MIGA1: variants seen among roughly 807,000 people sequenced by gnomAD.
MIGA1 encodes family with sequence similarity 73, member A.
MIGA1 carries 58 observed loss-of-function variants against 82.0 expected under a neutral mutation model. The ratio of observed to expected loss-of-function variants is 0.71; its 90% confidence interval spans 0.57 to 0.88. The LOEUF is 0.88. Ranked by LOEUF, MIGA1 falls within the 40% of genes least tolerant of loss-of-function variation. The pLI, the probability that MIGA1 is intolerant of heterozygous loss-of-function variation, is 0.00. For missense variants in MIGA1, 751 were observed against 749.1 expected (o/e 1.00, Z -0.03); for synonymous variants, 249 against 253.6 (o/e 0.98, Z 0.17).
intron 13 of MIGA1, among the ~76,000 whole-genome samples, chr1:77,866,057 C>T (rs1343997122): frequency 6.6e-6 from 1 of 152,036 alleles, no homozygotes; most frequent in African/African-American, 2.4e-5. Flanking sequence ...GGTCTACAGG[C>T]ATGCGCCACC....
chr1:77,864,141 A>G (rs1029642992), intron 13 of MIGA1, 113 bp downstream of exon 13: 9 of 1,080,628 alleles, frequency 8.3e-6, no homozygotes, highest in Middle Eastern at 3.0e-4. Context: ...CAGGCGGATC[A>G]CCTGAGGTCA....
chr1:77,783,906 A>G (rs1339236502), intron 2 of MIGA1, among the ~76,000 whole-genome samples: 1 of 152,144 alleles, frequency 6.6e-6, no homozygotes, highest in African/African-American at 2.4e-5. Context: ...CACAAGTAGA[A>G]CCCTACAGAA....
intron 7 of MIGA1, among the ~76,000 whole-genome samples, chr1:77,832,976 G>A (rs1684296325): frequency 1.3e-5 from 2 of 152,148 alleles, no homozygotes; most frequent in South Asian, 4.1e-4. Context: ...AAATTCTCTG[G>A]CAGAGCATAG....
intron 4 of MIGA1, among the ~76,000 whole-genome samples, chr1:77,804,023 G>A (rs1682991816): frequency 6.6e-6 from 1 of 151,950 alleles, no homozygotes; most frequent in Non-Finnish European, 1.5e-5. Context: ...AATGTCTTAT[G>A]TACTCCATAA....
chr1:77,810,931 C>A (rs1401629819), intron 5 of MIGA1: 1 of 1,611,964 alleles, frequency 6.2e-7, no homozygotes, highest in East Asian at 2.2e-5. Context: ...CAATTTCTTT[C>A]TTTTAAAGTC....
chr1:77,866,436 G>A (rs1685670583), intron 14 of MIGA1, 45 bp downstream of exon 14: 2 of 1,581,398 alleles, frequency 1.3e-6, no homozygotes, highest in Non-Finnish European at 1.7e-6. Context: ...ATCATTTAAG[G>A]ATTCTGTCAA....
intron 7 of MIGA1, among the ~76,000 whole-genome samples, chr1:77,827,997 G>A (rs1684096944): frequency 6.6e-6 from 1 of 152,098 alleles, no homozygotes; most frequent in African/African-American, 2.4e-5. Context: ...GGAGGAGGCT[G>A]CAGTGAACCA....
At chr1:77,866,208 C>T in intron 13 of MIGA1, 130 bp from the exon 14 acceptor site, 2 of 771,378 alleles carry the variant, frequency 2.6e-6, no homozygotes, top group Non-Finnish European at 4.2e-6. Context: ...AGCCACTGTG[C>T]CCGGCCGACT....
chr1:77,858,299 A>G (rs1330003872), intron 8 of MIGA1, among the ~76,000 whole-genome samples: 1 of 151,982 alleles, frequency 6.6e-6, no homozygotes, highest in Non-Finnish European at 1.5e-5. Flanking sequence ...TTGAGCCAAG[A>G]TCCTGCCACT....
intron 8 of MIGA1, among the ~76,000 whole-genome samples, chr1:77,850,556 T>C (rs1044742487): frequency 2.0e-5 from 3 of 152,220 alleles, no homozygotes; most frequent in Non-Finnish European, 2.9e-5. Flanking sequence ...GCCTATTTCA[T>C]GTCCCTACTT....
rs531886771 is a variant in MIGA1 at position 77,842,295 on chromosome 1, A to G, written c.896-1012A>G. On this transcript the variant is annotated intron_variant, in intron 7 of 15. Coordinates refer to ENST00000370791, the MANE Select transcript of MIGA1 (RefSeq NM_198549.4). Reference sequence around the variant, plus strand: ...TAACAATTAGATTCCTGATAACAGTACATGAGGATATTCATACCCACATTC... The same window carrying G: ...TAACAATTAGATTCCTGATAACAGTGCATGAGGATATTCATACCCACATTC... 5.3e-5 allele frequency among the ~76,000 whole-genome samples: 8 copies of G among 152,364 alleles called. No homozygotes were observed. The South Asian group carries it at 1.7e-3, about 32-fold the overall frequency.
At chr1:77,871,024 G>A (rs1418136430) in intron 14 of MIGA1, among the ~76,000 whole-genome samples, 8 of 149,216 alleles carry the variant, frequency 5.4e-5, no homozygotes, top group African/African-American at 2.0e-4. Flanking sequence ...GCAGTGAGCC[G>A]AGATGGCAGC....
At chr1:77,836,795 A>C (rs887080055) in intron 7 of MIGA1, among the ~76,000 whole-genome samples, 6 of 152,182 alleles carry the variant, frequency 3.9e-5, no homozygotes, top group African/African-American at 1.4e-4. Context: ...TAAAGCAGTA[A>C]GTTTTTTTCT....
At chr1:77,839,437 C>T (rs529901403) in intron 7 of MIGA1, among the ~76,000 whole-genome samples, 2 of 152,010 alleles carry the variant, frequency 1.3e-5, no homozygotes, top group African/African-American at 4.8e-5. Context: ...GTGACACGAT[C>T]ATGGCTCACT....
chr1:77,869,398 GC>G (rs1685812499), intron 14 of MIGA1, among the ~76,000 whole-genome samples: 1 of 149,536 alleles, frequency 6.7e-6, no homozygotes. Flanking sequence ...CACTCTTCCT[GC>G]CTTTCTATTC....
intron 5 of MIGA1, among the ~76,000 whole-genome samples, chr1:77,812,923 G>A (rs1467103491): frequency 6.6e-6 from 1 of 152,044 alleles, no homozygotes; most frequent in African/African-American, 2.4e-5. Flanking sequence ...ACCCTTTAAG[G>A]GACAAAAGGT....
intron 8 of MIGA1, among the ~76,000 whole-genome samples, chr1:77,858,643 A>G (rs1685349740): frequency 1.3e-5 from 2 of 152,032 alleles, no homozygotes; most frequent in African/African-American, 2.4e-5. Context: ...TTTTTGAGGC[A>G]GGTCTGGCTT....
chr1:77,813,316 T>C (rs1243319130), intron 5 of MIGA1, among the ~76,000 whole-genome samples: 4 of 152,194 alleles, frequency 2.6e-5, no homozygotes, highest in Non-Finnish European at 4.4e-5. Context: ...TGAGAACTTA[T>C]AAACCCGGTA....
chr1:77,799,121 A>AT (rs1454202157), intron 2 of MIGA1, among the ~76,000 whole-genome samples: 1 of 151,972 alleles, frequency 6.6e-6, no homozygotes, highest in African/African-American at 2.4e-5. Context: ...TTTGTGGAAG[A>AT]TTTTTTGCAT....
Sources: allele counts gnomAD v4.1 joint callset (sites outside exome capture counted in the v4.1 genomes callset), GRCh38; gene constraint gnomAD v4.1.1; transcripts MANE v1.5; gene names NCBI Gene and HGNC (gene_info 2026-07-23, HGNC 2026-07-21).